The following IGFL2 variants were observed in gnomAD, a reference collection of about 807,000 sequenced individuals.
IGFL2 encodes IGF like family member 2.
A neutral mutation model predicts 13.9 loss-of-function variants in IGFL2; 7 were observed. The ratio of observed to expected loss-of-function variants is 0.51; its 90% CI spans 0.29 to 0.95. IGFL2 has a LOEUF of 0.95. IGFL2 is among the 40% of genes least tolerant of loss of function. The probability of loss-of-function intolerance (pLI) is 0.08; values close to 1 mark genes in which losing one functional copy is unlikely to be tolerated. For synonymous variants in IGFL2, 55 were observed against 55.8 expected, an observed-to-expected ratio of 0.99 and a Z score of 0.07; for missense variants, 138 against 147.8, an observed-to-expected ratio of 0.93 and a Z score of 0.34.
chr19:46,124,809 AC>A, the IGFL2 span: 1 of 677,074 alleles, frequency 1.5e-6, no homozygotes, highest in South Asian at 1.7e-5. Flanking sequence ...CTTGAAGATA[AC>A]CAAAGTCTCC....
At chr19:46,126,042 C>A in the IGFL2 span, among the ~76,000 whole-genome samples, 5 of 151,990 alleles carry the variant, frequency 3.3e-5, no homozygotes, top group South Asian at 2.1e-4. Flanking sequence ...TTAGAGAAAT[C>A]CTTATGTTGT....
chr19:46,131,925 C>G, the IGFL2 span, among the ~76,000 whole-genome samples: 1 of 152,122 alleles, frequency 6.6e-6, no homozygotes, highest in South Asian at 2.1e-4. Flanking sequence ...GGGAGCAGAG[C>G]GAGACTCCCT....
the IGFL2 span, chr19:46,212,607 A>G: frequency 7.3e-6 from 1 of 137,552 alleles, no homozygotes; most frequent in East Asian, 2.1e-4. Context: ...GTCCTTGAAA[A>G]TCTCAGGAGG....
chr19:46,151,421 A>G (rs764954818), intron 1 of IGFL2, among the ~76,000 whole-genome samples: 10 of 151,948 alleles, frequency 6.6e-5, no homozygotes, highest in Non-Finnish European at 1.3e-4. Flanking sequence ...CTAAGGGTTT[A>G]TTTTCTGACT....
the IGFL2 span, chr19:46,137,433 A>G: frequency 3.7e-5 from 38 of 1,021,146 alleles, no homozygotes; most frequent in African/African-American, 2.8e-4. Flanking sequence ...TGGACATTGT[A>G]ATGGTGCTCA....
the IGFL2 span, among the ~76,000 whole-genome samples, chr19:46,198,929 C>T: frequency 6.6e-6 from 1 of 152,206 alleles, no homozygotes; most frequent in Non-Finnish European, 1.5e-5. Flanking sequence ...CTATTTATTC[C>T]TGGACAAAAG....
chr19:46,120,146 G>A, the IGFL2 span: 1 of 735,026 alleles, frequency 1.4e-6, no homozygotes, highest in Non-Finnish European at 2.1e-6. Context: ...AGGGGATGAA[G>A]CAGGAAGGCA....
At chr19:46,100,277 C>A in the IGFL2 span, among the ~76,000 whole-genome samples, 2 of 152,234 alleles carry the variant, frequency 1.3e-5, no homozygotes, top group Admixed American at 1.3e-4. Context: ...ATCTTTGAGG[C>A]TGCTGACTGT....
At chr19:46,109,764 T>C in the IGFL2 span, among the ~76,000 whole-genome samples, 1 of 152,042 alleles carries the variant, frequency 6.6e-6, no homozygotes, top group African/African-American at 2.4e-5. Context: ...AAAGTAGTTA[T>C]CACAAGGGTG....
the IGFL2 span, among the ~76,000 whole-genome samples, chr19:46,085,835 A>G: frequency 2.0e-5 from 3 of 152,162 alleles, no homozygotes; most frequent in Admixed American, 2.0e-4. Context: ...GAAGTCCCTT[A>G]GCATTTGCTT....
At chr19:46,185,177 A>G in the IGFL2 span, among the ~76,000 whole-genome samples, 1 of 151,798 alleles carries the variant, frequency 6.6e-6, no homozygotes, top group Admixed American at 6.6e-5. Context: ...AGATTGCAAA[A>G]TTTTTCTCCC....
At chr19:46,140,372 A>ATT (rs1972808521), upstream of IGFL2, among the ~76,000 whole-genome samples, 1 of 152,160 alleles carries the variant, frequency 6.6e-6, no homozygotes, top group East Asian at 1.9e-4. Context: ...CCAGAGGATG[A>ATT]ACGTTATTAA....
At chr19:46,195,596 G>T in the IGFL2 span, among the ~76,000 whole-genome samples, 1 of 152,076 alleles carries the variant, frequency 6.6e-6, no homozygotes, top group African/African-American at 2.4e-5. Context: ...TAGAGACAGG[G>T]TCTCACTCCA....
chr19:46,180,034 C>A, the IGFL2 span, among the ~76,000 whole-genome samples: 2 of 152,170 alleles, frequency 1.3e-5, no homozygotes, highest in Admixed American at 1.3e-4. Context: ...AAGACAAATA[C>A]ACGCATCTGT....
At chr19:46,078,866 T>C in the IGFL2 span, among the ~76,000 whole-genome samples, 1 of 139,024 alleles carries the variant, frequency 7.2e-6, no homozygotes, top group African/African-American at 2.7e-5. Flanking sequence ...GCAGGCGTCG[T>C]CAGTAGACAT....
At chr19:46,181,063 A>C in the IGFL2 span, among the ~76,000 whole-genome samples, 2 of 152,196 alleles carry the variant, frequency 1.3e-5, no homozygotes, top group Non-Finnish European at 2.9e-5. Flanking sequence ...AATCAAGTTG[A>C]TACTTAATAT....
At chr19:46,087,015 G>A in the IGFL2 span, among the ~76,000 whole-genome samples, 1 of 152,222 alleles carries the variant, frequency 6.6e-6, no homozygotes, top group Non-Finnish European at 1.5e-5. Flanking sequence ...CACGGTGGCA[G>A]TAGTGGGCTG....
chr19:46,125,613 T>C, the IGFL2 span, among the ~76,000 whole-genome samples: 1 of 152,080 alleles, frequency 6.6e-6, no homozygotes, highest in Non-Finnish European at 1.5e-5. Context: ...TAGGGAAGAG[T>C]TGCTGACTTA....
intron 1 of IGFL2, chr19:46,148,772 G>A: frequency 1.7e-6 from 2 of 1,162,758 alleles, no homozygotes; most frequent in Non-Finnish European, 2.4e-6. Flanking sequence ...CTGTGGATAG[G>A]GTTGGGGGCT....
Sources: gnomAD v4.1 joint callset for allele counts (sites outside exome capture counted in the v4.1 genomes callset) on GRCh38, gnomAD v4.1.1 for gene constraint, MANE v1.5 for transcripts, NCBI Gene and HGNC (gene_info 2026-07-23, HGNC 2026-07-21) for gene names.